The following RBFOX1 variants were observed in gnomAD, a reference collection of about 807,000 sequenced individuals.
RBFOX1 encodes the protein RNA binding protein fox-1 homolog 1.
RBFOX1 carries 8 observed loss-of-function variants against 57.7 expected under a neutral mutation model. The ratio of observed to expected loss-of-function variants is 0.14; its 90% CI spans 0.08 to 0.25. The LOEUF (loss-of-function observed/expected upper bound fraction) is 0.25. RBFOX1 is among the 10% of genes least tolerant of loss of function. The probability of loss-of-function intolerance (pLI) is 1.00; values close to 1 mark genes in which losing one functional copy is unlikely to be tolerated. For missense variants in RBFOX1, 611 were observed against 548.5 expected, an observed-to-expected ratio of 1.11 and a Z score of -1.14; for synonymous variants, 326 against 222.4, an observed-to-expected ratio of 1.47 and a Z score of -4.15.
At chr16:7,047,891 T>G (rs1478354350) in intron 3 of RBFOX1, among the ~76,000 whole-genome samples, 1 of 151,766 alleles carries the variant, frequency 6.6e-6, no homozygotes, top group African/African-American at 2.4e-5. Flanking sequence ...TAATTAATTA[T>G]TTTTTTTGAG....
intron 1 of RBFOX1, among the ~76,000 whole-genome samples, chr16:6,104,536 A>G (rs1345488715): frequency 1.3e-5 from 2 of 152,198 alleles, no homozygotes; most frequent in East Asian, 3.9e-4. Context: ...CTCCTTAAAG[A>G]GAGCTCGCCT....
intron 3 of RBFOX1, among the ~76,000 whole-genome samples, chr16:7,044,200 T>C (rs1050201133): frequency 3.3e-5 from 5 of 152,110 alleles, no homozygotes; most frequent in Non-Finnish European, 5.9e-5. Context: ...GGTGTGTATG[T>C]GTGTGAGTAA....
intron 3 of RBFOX1, among the ~76,000 whole-genome samples, chr16:6,960,863 G>T (rs555695686): frequency 2.0e-5 from 3 of 151,674 alleles, no homozygotes; most frequent in Non-Finnish European, 2.9e-5. Flanking sequence ...TCCGGGTGCA[G>T]TGGCTCACAT....
At chr16:7,472,309 T>C (rs923782778) in intron 4 of RBFOX1, among the ~76,000 whole-genome samples, 1 of 139,598 alleles carries the variant, frequency 7.2e-6, no homozygotes, top group Admixed American at 7.0e-5. Context: ...ATTTACCAAA[T>C]TACCAAATAG....
chr16:5,609,698 G>A (rs907134116), intron 3 of RBFOX1, among the ~76,000 whole-genome samples: 3 of 152,114 alleles, frequency 2.0e-5, no homozygotes, highest in Non-Finnish European at 4.4e-5. Flanking sequence ...TGTTTTTCAT[G>A]GTCCTCATGC....
At chr16:7,151,311 C>T (rs535575342) in intron 4 of RBFOX1, among the ~76,000 whole-genome samples, 1 of 152,280 alleles carries the variant, frequency 6.6e-6, no homozygotes, top group Admixed American at 6.5e-5. Flanking sequence ...AAACCAAATT[C>T]CAACGTATTT....
At chr16:6,439,882 T>C (rs1208375803) in intron 2 of RBFOX1, among the ~76,000 whole-genome samples, 1 of 152,062 alleles carries the variant, frequency 6.6e-6, no homozygotes, top group Non-Finnish European at 1.5e-5. Context: ...CAATTTGATA[T>C]CCTCTTTAAA....
intron 4 of RBFOX1, among the ~76,000 whole-genome samples, chr16:7,390,382 G>A (rs1007712714): frequency 6.6e-6 from 1 of 152,182 alleles, no homozygotes; most frequent in Non-Finnish European, 1.5e-5. Context: ...CCAAACTCAT[G>A]TTCTTAACTA....
At chr16:7,343,623 G>C (rs913194192) in intron 4 of RBFOX1, among the ~76,000 whole-genome samples, 9 of 152,150 alleles carry the variant, frequency 5.9e-5, no homozygotes, top group African/African-American at 2.2e-4. Context: ...TACTATATAT[G>C]AGGCTGTGTG....
intron 5 of RBFOX1, among the ~76,000 whole-genome samples, chr16:7,556,526 T>C (rs1757393490): frequency 6.6e-6 from 1 of 152,244 alleles, no homozygotes; most frequent in Admixed American, 6.5e-5. Flanking sequence ...TATGAAACTT[T>C]TACCTTGAAT....
chr16:6,696,430 T>C (rs1307219902), intron 3 of RBFOX1, among the ~76,000 whole-genome samples: 4 of 152,210 alleles, frequency 2.6e-5, no homozygotes, highest in African/African-American at 9.6e-5. Context: ...AAATGCTTTT[T>C]CATCCCCTCT....
chr16:6,208,587 A>G (rs1038624819), intron 1 of RBFOX1, among the ~76,000 whole-genome samples: 1 of 152,192 alleles, frequency 6.6e-6, no homozygotes. Flanking sequence ...GATGTAGATC[A>G]ATCAACCCAT....
chr16:7,229,295 C>A (rs1399636760), intron 4 of RBFOX1, among the ~76,000 whole-genome samples: 1 of 152,114 alleles, frequency 6.6e-6, no homozygotes, highest in Non-Finnish European at 1.5e-5. Flanking sequence ...GTTGAGGAGA[C>A]CCTGAGATGG....
intron 3 of RBFOX1, among the ~76,000 whole-genome samples, chr16:6,713,612 C>G (rs1193682564): frequency 6.6e-6 from 1 of 152,058 alleles, no homozygotes; most frequent in Non-Finnish European, 1.5e-5. Flanking sequence ...AATAAAAATC[C>G]TTCCTTTCTC....
intron 3 of RBFOX1, among the ~76,000 whole-genome samples, chr16:5,628,269 A>T (rs542467643): frequency 6.6e-6 from 1 of 152,214 alleles, no homozygotes; most frequent in Non-Finnish European, 1.5e-5. Flanking sequence ...AGTCTCTTCT[A>T]CCATGCAAAT....
intron 1 of RBFOX1, among the ~76,000 whole-genome samples, chr16:6,116,301 A>G (rs1467829829): frequency 6.6e-6 from 1 of 152,144 alleles, no homozygotes; most frequent in African/African-American, 2.4e-5. Context: ...ATAGCATTAG[A>G]AGAGATCCCT....
chr16:5,858,235 A>G (rs1019094219), intron 3 of RBFOX1, among the ~76,000 whole-genome samples: 1 of 152,160 alleles, frequency 6.6e-6, no homozygotes, highest in African/African-American at 2.4e-5. Flanking sequence ...GCAGGTTACA[A>G]TGGGAAAGGC....
intron 3 of RBFOX1, among the ~76,000 whole-genome samples, chr16:5,682,033 A>G (rs935021527): frequency 3.3e-5 from 5 of 152,144 alleles, no homozygotes; most frequent in South Asian, 2.1e-4. Context: ...TGATATTAGA[A>G]TGCTCTGCAC....
intron 14 of RBFOX1, among the ~76,000 whole-genome samples, chr16:7,690,662 T>C (rs1340772758): frequency 1.5e-5 from 1 of 68,180 alleles, no homozygotes; most frequent in African/African-American, 5.0e-5. Flanking sequence ...ACCTGCATTG[T>C]TCTGATCTTT....
Sources: allele counts gnomAD v4.1 joint callset (sites outside exome capture counted in the v4.1 genomes callset), GRCh38; gene constraint gnomAD v4.1.1; transcripts MANE v1.5; gene names NCBI Gene and HGNC (gene_info 2026-07-23, HGNC 2026-07-21).